Variants in SUPT3H observed in about 807,000 individuals in gnomAD.
The protein encoded by SUPT3H is SPT3 homolog, SAGA and STAGA complex component, also known as transcription initiation protein SPT3 homolog.
In SUPT3H, 44 loss-of-function variants were observed where a neutral mutation model predicts 44.3. The observed-to-expected ratio is 0.99, with a 90% confidence interval of 0.78 to 1.28. The LOEUF (loss-of-function observed/expected upper bound fraction) is 1.28, where lower values mean the gene tolerates loss of function less well. Among genes scored for constraint, SUPT3H ranks in the 50% most tolerant of loss-of-function variants. SUPT3H has a pLI of 0.00. For missense variants in SUPT3H, 380 were observed against 387.1 expected (o/e 0.98, Z 0.15); for synonymous variants, 124 against 125.6 (o/e 0.99, Z 0.09).
rs576826070 is a variant in SUPT3H at position 44,881,648 on chromosome 6, C to A, written c.912+51005G>T. ...ATCACATTATTGGAAGTCAAACACT[C>A]CTCAGCAAATGCAAGAGAACGGAAA... On this transcript the variant is annotated intron_variant, in intron 10 of 10. Transcript: ENST00000371459. Among the ~76,000 whole-genome samples, 4 of 152,298 alleles carry A rather than the reference C, an allele frequency of 2.6e-5. No homozygotes were observed. In the South Asian group the frequency reaches 6.2e-4, roughly 24 times the overall value.
chr6:44,952,852 A>C (rs1774517564), intron 9 of SUPT3H, among the ~76,000 whole-genome samples: 1 of 152,236 alleles, frequency 6.6e-6, no homozygotes, highest in African/African-American at 2.4e-5. Flanking sequence ...ACTCAAGATG[A>C]ATGAAGACAA....
chr6:44,912,820 A>G (rs116410385), intron 10 of SUPT3H, among the ~76,000 whole-genome samples: 2,740 of 152,318 alleles, frequency 0.018, 39 homozygotes, highest in Non-Finnish European at 0.027. Flanking sequence ...GGAAATGAAC[A>G]CTGGCTCTGA....
At chr6:44,813,126 C>A (rs1291120475) in intron 11 of SUPT3H, among the ~76,000 whole-genome samples, 1 of 152,130 alleles carries the variant, frequency 6.6e-6, no homozygotes, top group Non-Finnish European at 1.5e-5. Flanking sequence ...AATAGATCAA[C>A]CTTGATCCAA....
chr6:45,039,845 C>CAAA (rs35987604), intron 3 of SUPT3H, among the ~76,000 whole-genome samples: 21 of 131,214 alleles, frequency 1.6e-4, no homozygotes, highest in Middle Eastern at 4.0e-3. Context: ...CTAATCACAG[C>CAAA]AAAAAAAAAA....
At chr6:44,851,827 T>C (rs568051151) in intron 10 of SUPT3H, among the ~76,000 whole-genome samples, 6 of 152,320 alleles carry the variant, frequency 3.9e-5, no homozygotes, top group Non-Finnish European at 1.5e-5. Flanking sequence ...AAGCTGCTCA[T>C]TGAGCCCCTG....
At chr6:45,196,003 T>C (rs543000501) in intron 2 of SUPT3H, among the ~76,000 whole-genome samples, 8 of 151,840 alleles carry the variant, frequency 5.3e-5, no homozygotes, top group African/African-American at 1.7e-4. Flanking sequence ...AGCTGGCATA[T>C]AGTAACAAAT....
chr6:45,070,272 A>C (rs572846434), intron 3 of SUPT3H, among the ~76,000 whole-genome samples: 1 of 152,326 alleles, frequency 6.6e-6, no homozygotes, highest in Admixed American at 6.5e-5. Context: ...TGAAGTTATA[A>C]CACATTGAAA....
At chr6:45,093,615 T>C (rs1283859958) in intron 3 of SUPT3H, among the ~76,000 whole-genome samples, 2 of 151,912 alleles carry the variant, frequency 1.3e-5, no homozygotes, top group East Asian at 3.9e-4. Context: ...ATCTGCCAAA[T>C]TAAAAAGCAC....
intron 5 of SUPT3H, among the ~76,000 whole-genome samples, chr6:45,014,211 T>C (rs1783906319): frequency 6.6e-6 from 1 of 151,884 alleles, no homozygotes; most frequent in African/African-American, 2.4e-5. Flanking sequence ...AACATACAAA[T>C]GAAGATAAGG....
chr6:45,366,770 CCTT>C (rs1795207675), intron 1 of SUPT3H, among the ~76,000 whole-genome samples: 1 of 152,142 alleles, frequency 6.6e-6, no homozygotes, highest in Admixed American at 6.5e-5. Flanking sequence ...ACCTTTGACT[CCTT>C]CTCCTGCACC....
intron 3 of SUPT3H, among the ~76,000 whole-genome samples, chr6:45,030,286 A>G (rs758078321): frequency 6.6e-6 from 1 of 152,148 alleles, no homozygotes; most frequent in African/African-American, 2.4e-5. Context: ...ATTCAGAACC[A>G]TAAGATATTT....
intron 2 of SUPT3H, among the ~76,000 whole-genome samples, chr6:45,123,299 A>G (rs1301149418): frequency 6.6e-6 from 1 of 152,164 alleles, no homozygotes; most frequent in Non-Finnish European, 1.5e-5. Flanking sequence ...AGTCTAATTT[A>G]ATTAAAATTC....
At chr6:45,294,751 A>AC in intron 2 of SUPT3H, among the ~76,000 whole-genome samples, 1 of 143,834 alleles carries the variant, frequency 7.0e-6, no homozygotes, top group Non-Finnish European at 1.5e-5. Flanking sequence ...AAAAAAAAAA[A>AC]AAAAAAAAAA....
At chr6:45,232,779 G>A (rs1212896777) in intron 2 of SUPT3H, among the ~76,000 whole-genome samples, 3 of 152,114 alleles carry the variant, frequency 2.0e-5, no homozygotes, top group Non-Finnish European at 4.4e-5. Context: ...ACTGCATAAG[G>A]GTTAGGGGGA....
chr6:45,283,585 G>C (rs1158632479), intron 2 of SUPT3H, among the ~76,000 whole-genome samples: 1 of 151,946 alleles, frequency 6.6e-6, no homozygotes. Flanking sequence ...GATTCATAAA[G>C]CAAGTCCTCA....
intron 2 of SUPT3H, among the ~76,000 whole-genome samples, chr6:45,164,764 C>A (rs1809580406): frequency 6.6e-6 from 1 of 152,080 alleles, no homozygotes; most frequent in African/African-American, 2.4e-5. Flanking sequence ...CATAAAAATT[C>A]ATCCCACTTT....
chr6:45,032,046 G>T, intron 3 of SUPT3H, among the ~76,000 whole-genome samples: 1 of 152,156 alleles, frequency 6.6e-6, no homozygotes, highest in Non-Finnish European at 1.5e-5. Context: ...TAATTAATAT[G>T]TAAAAGACAT....
At chr6:45,185,888 C>T (rs1171471377) in intron 2 of SUPT3H, among the ~76,000 whole-genome samples, 4 of 152,188 alleles carry the variant, frequency 2.6e-5, no homozygotes, top group African/African-American at 9.7e-5. Context: ...ATCAGCAAAG[C>T]CCAGAGGGAA....
At chr6:44,861,373 A>AATTTT (rs1447672477) in intron 10 of SUPT3H, among the ~76,000 whole-genome samples, 1 of 44,106 alleles carries the variant, frequency 2.3e-5, no homozygotes, top group Non-Finnish European at 5.7e-5. Flanking sequence ...GCTCAGCCAC[A>AATTTT]GTTTTCTTTT....
Sources: gnomAD v4.1 joint callset for allele counts (sites outside exome capture counted in the v4.1 genomes callset) on GRCh38, gnomAD v4.1.1 for gene constraint, MANE v1.5 for transcripts, NCBI Gene and HGNC (gene_info 2026-07-23, HGNC 2026-07-21) for gene names.